PRXL2A: variants seen among roughly 807,000 people sequenced by gnomAD.
PRXL2A encodes peroxiredoxin like 2A.
A neutral mutation model predicts 25.6 loss-of-function variants in PRXL2A; 26 were observed. That is an observed-to-expected ratio of 1.02 (90% CI 0.74 to 1.41). The LOEUF (loss-of-function observed/expected upper bound fraction) is 1.41, where lower values mean the gene tolerates loss of function less well. Among genes scored for constraint, PRXL2A ranks in the 40% most tolerant of loss-of-function variants. PRXL2A has a pLI of 0.00. For synonymous variants in PRXL2A, 98 were observed against 102.9 expected (o/e 0.95, Z 0.29); for missense variants, 246 against 273.9 (o/e 0.90, Z 0.72).
At position 80,420,489 on chromosome 10, in the gene PRXL2A, A is replaced by G. The variant is rs1368108689; in HGVS notation, c.22A>G (p.Ser8Gly). 2 of 1,598,422 alleles carry G rather than the reference A, an allele frequency of 1.3e-6. No homozygotes were observed. The highest frequency in any genetic ancestry group is 1.7e-6 in the Non-Finnish European group (2 of 1,171,112). Residue 8 changes from serine (S) to glycine (G), a missense_variant, in exon 2 of 6, where the codon AGT (serine) becomes GGT (glycine). Coordinates refer to ENST00000606162, the MANE Select transcript of PRXL2A (RefSeq NM_032333.5). ...AGAAATGTCTTTCCTCCAGGACCCA[A>G]GTTTCTTCACCATGGGGATGTGGTC... Reference protein sequence around the residue: MSFLQDPSFFTMGMWSIG... With the variant: MSFLQDPGFFTMGMWSIG...
At chr10:80,409,105 C>T (rs1452330706) in intron 1 of PRXL2A, 1 of 983,956 alleles carries the variant, frequency 1.0e-6, no homozygotes, top group African/African-American at 1.7e-5. Flanking sequence ...GTCTCTGTGC[C>T]CGCTTAGGGT....
intron 5 of PRXL2A, among the ~76,000 whole-genome samples, chr10:80,430,351 A>C (rs923110943): frequency 6.6e-6 from 1 of 152,048 alleles, no homozygotes; most frequent in Non-Finnish European, 1.5e-5. Flanking sequence ...ATCTATCCAC[A>C]TTGGTCTCCC....
rs370994205 is a variant in PRXL2A, at chr10:80,414,324, G to C, written c.-3+5681G>C. On this transcript the variant is annotated intron_variant, in intron 1 of 5. Transcript: ENST00000606162. ...AATGCTATAGCTGTGTCAGGTGGGG[G>C]CTGGCTCTTCTGTAAACAACCCTAC... Among the ~76,000 whole-genome samples the C allele has an allele frequency of 9.2e-5, 14 of 152,216 alleles. No homozygotes were observed. The East Asian group carries it at 2.7e-3, about 29-fold the overall frequency.
At chr10:80,410,392 A>C (rs1343506551) in intron 1 of PRXL2A, among the ~76,000 whole-genome samples, 1 of 152,258 alleles carries the variant, frequency 6.6e-6, no homozygotes, top group Non-Finnish European at 1.5e-5. Context: ...GCGGGCCTGC[A>C]GGCCAGAGGG....
intron 1 of PRXL2A, among the ~76,000 whole-genome samples, chr10:80,410,584 T>C (rs1431618303): frequency 6.6e-6 from 1 of 152,262 alleles, no homozygotes; most frequent in Non-Finnish European, 1.5e-5. Flanking sequence ...TTTGCCGTTT[T>C]CTAGTGCGTT....
rs751739734 is a variant in PRXL2A, at chr10:80,425,918, C to T, written c.323C>T (p.Pro108Leu). 15 of 1,614,214 alleles carry T rather than the reference C, an allele frequency of 9.3e-6. No individual in the cohort carries two copies. The South Asian group carries it at 1.6e-4, about 18-fold the overall frequency. The change falls in exon 4 of 6, where the codon CCC (proline) becomes CTC (leucine). Residue 108 changes from proline (P) to leucine (L), a missense_variant. Coordinates refer to ENST00000606162, the MANE Select transcript of PRXL2A (RefSeq NM_032333.5). The part of the protein sequence containing the change: ...LKSMLDQLGV[P>L]LYAVVKEHIR... The stretch of plus-strand genomic sequence containing the variant: ...AGCATGTTGGACCAGCTGGGCGTCC[C>T]CCTCTATGCAGTGGTAAAGGAGCAC...
chr10:80,413,626 A>G (rs1370520342), intron 1 of PRXL2A, among the ~76,000 whole-genome samples: 1 of 152,226 alleles, frequency 6.6e-6, no homozygotes, highest in African/African-American at 2.4e-5. Flanking sequence ...AAATGACTCA[A>G]AGCTTTGCTC....
intron 4 of PRXL2A, 142 bp downstream of exon 4, chr10:80,426,148 C>T (rs932511857): frequency 1.0e-6 from 1 of 967,770 alleles, no homozygotes; most frequent in East Asian, 2.4e-5. Context: ...AGGCCTTTTT[C>T]AGCCCCCTGA....
intron 1 of PRXL2A, chr10:80,413,845 C>T (rs771742012): frequency 5.1e-5 from 61 of 1,201,400 alleles, no homozygotes; most frequent in Non-Finnish European, 6.4e-5. Context: ...ACTTCTTTGT[C>T]AAGAGAAGCA....
intron 5 of PRXL2A, among the ~76,000 whole-genome samples, chr10:80,428,920 C>G (rs9664618): frequency 0.016 from 2,382 of 151,894 alleles, 65 homozygotes; most frequent in African/African-American, 0.053. Context: ...TCTTTTTTTT[C>G]AGATGGAATC....
At chr10:80,408,801 C>T (rs913757735) in intron 1 of PRXL2A, among the ~76,000 whole-genome samples, 158 bp downstream of exon 1, 19 of 152,144 alleles carry the variant, frequency 1.2e-4, no homozygotes. Context: ...TCTTAGGAGC[C>T]GCCGCAGCGC....
chr10:80,419,329 C>T (rs7089316), intron 1 of PRXL2A, among the ~76,000 whole-genome samples: 4,445 of 101,612 alleles, frequency 0.044, 93 homozygotes, highest in Middle Eastern at 0.07. Context: ...TTTTTTGAGA[C>T]GGAGTTTCAC....
chr10:80,415,664 A>T (rs749325621), intron 1 of PRXL2A, among the ~76,000 whole-genome samples: 5 of 152,178 alleles, frequency 3.3e-5, no homozygotes, highest in Non-Finnish European at 5.9e-5. Context: ...TATTTTCTTG[A>T]GGATTGTGTA....
At chr10:80,416,679 C>T (rs1395532722) in intron 1 of PRXL2A, among the ~76,000 whole-genome samples, 2 of 152,206 alleles carry the variant, frequency 1.3e-5, no homozygotes, top group African/African-American at 2.4e-5. Flanking sequence ...AGACCGCCCT[C>T]GTGACTTTAC....
chr10:80,410,492 T>TG (rs1844443687), intron 1 of PRXL2A, among the ~76,000 whole-genome samples: 1 of 152,200 alleles, frequency 6.6e-6, no homozygotes, highest in Non-Finnish European at 1.5e-5. Context: ...CACTATTTTG[T>TG]GCCTGTCCTG....
chr10:80,430,655 A>C (rs112717682), intron 5 of PRXL2A, among the ~76,000 whole-genome samples: 18 of 152,258 alleles, frequency 1.2e-4, no homozygotes, highest in African/African-American at 4.3e-4. Flanking sequence ...GTAAATAAAT[A>C]AATAAAAAGT....
rs1845403711 is a variant in PRXL2A at position 80,436,392 on chromosome 10, CA to C, written c.*4294del. 1 of 152,600 alleles carries C rather than the reference CA, an allele frequency of 6.6e-6. No individual in the cohort carries two copies. Among genetic ancestry groups the C allele is most frequent in the Non-Finnish European group, 1.5e-5 (1 of 68,394 alleles). The allele number at this position is 152,600 out of a possible 1,614,324, so 9.5% of individuals were successfully genotyped here. On this transcript the variant is annotated 3_prime_UTR_variant, in exon 6 of 6. Transcript: ENST00000606162. The stretch of plus-strand genomic sequence containing the variant: ...TCAGCCTTCCAAAGCTCAGGGATTA[CA>C]GACATGAGCCACAGCACCAGGCCAA...
intron 1 of PRXL2A, among the ~76,000 whole-genome samples, chr10:80,410,481 T>TGTGCAGTGACACAGCTG (rs533189912): frequency 4.6e-4 from 70 of 152,354 alleles, no homozygotes; most frequent in African/African-American, 1.3e-3. Flanking sequence ...CTGCAGAAGT[T>TGTGCAGTGACACAGCTG]CACTATTTTG....
chr10:80,414,117 G>A (rs890345633), intron 1 of PRXL2A, among the ~76,000 whole-genome samples: 2 of 152,130 alleles, frequency 1.3e-5, no homozygotes, highest in Non-Finnish European at 1.5e-5. Flanking sequence ...AGAAAAATGG[G>A]GCCTGGGGAG....
Sources: gnomAD v4.1 joint callset for allele counts (sites outside exome capture counted in the v4.1 genomes callset) on GRCh38, gnomAD v4.1.1 for gene constraint, MANE v1.5 for transcripts, NCBI Gene and HGNC (gene_info 2026-07-23, HGNC 2026-07-21) for gene names.